Variants in TAF3 observed in about 807,000 individuals in gnomAD.
TAF3 encodes transcription initiation factor TFIID subunit 3.
A neutral mutation model predicts 80.6 loss-of-function variants in TAF3; 7 were observed. That is an observed-to-expected ratio of 0.09 (90% CI 0.05 to 0.16). The LOEUF (loss-of-function observed/expected upper bound fraction) is 0.16, where lower values mean the gene tolerates loss of function less well. TAF3 is among the 10% of genes least tolerant of loss of function. The probability of loss-of-function intolerance (pLI) is 1.00; values close to 1 mark genes in which losing one functional copy is unlikely to be tolerated. For synonymous variants in TAF3, 444 were observed against 446.1 expected (o/e 1.00, Z 0.06); for missense variants, 921 against 1,140.2 (o/e 0.81, Z 2.77).
chr10:7,890,001 A>C (rs2131162220), intron 2 of TAF3, among the ~76,000 whole-genome samples: 1 of 152,304 alleles, frequency 6.6e-6, no homozygotes, highest in South Asian at 2.1e-4. Flanking sequence ...CTGAAACAGA[A>C]ATCTATTTGG....
chr10:7,844,367 T>C (rs2131118570), intron 2 of TAF3, among the ~76,000 whole-genome samples: 1 of 149,318 alleles, frequency 6.7e-6, no homozygotes, highest in Non-Finnish European at 1.5e-5. Flanking sequence ...GCTTTTCTTC[T>C]TCTTCTTGTT....
chr10:7,908,028 G>A (rs182524932), intron 2 of TAF3, among the ~76,000 whole-genome samples: 14 of 152,320 alleles, frequency 9.2e-5, no homozygotes, highest in African/African-American at 2.2e-4. Flanking sequence ...GCTCAGCAGC[G>A]TATGGAATTC....
chr10:7,952,649 T>C (rs1288526964), intron 2 of TAF3, among the ~76,000 whole-genome samples: 1 of 152,220 alleles, frequency 6.6e-6, no homozygotes, highest in Admixed American at 6.5e-5. Flanking sequence ...GTGCAGAATG[T>C]TAGTGAAATA....
intron 2 of TAF3, among the ~76,000 whole-genome samples, chr10:7,833,342 T>C (rs1383263287): frequency 6.6e-6 from 1 of 152,220 alleles, no homozygotes; most frequent in Non-Finnish European, 1.5e-5. Context: ...TTCCCCCTTT[T>C]CTCCACATCC....
At chr10:7,900,467 G>A (rs1007791847) in intron 2 of TAF3, among the ~76,000 whole-genome samples, 2 of 152,162 alleles carry the variant, frequency 1.3e-5, no homozygotes, top group Non-Finnish European at 1.5e-5. Context: ...TCGGTGGATG[G>A]CTGGAGAGAG....
intron 2 of TAF3, among the ~76,000 whole-genome samples, chr10:7,932,454 T>A (rs1837876889): frequency 6.6e-6 from 1 of 152,064 alleles, no homozygotes. Flanking sequence ...AGAGACAGAC[T>A]GAGAGAAAGA....
chr10:7,870,678 A>C (rs1461495981), intron 2 of TAF3, among the ~76,000 whole-genome samples: 9 of 152,124 alleles, frequency 5.9e-5, no homozygotes, highest in Admixed American at 3.3e-4. Context: ...AGAACTCGAC[A>C]CGCTTCTGAG....
chr10:7,988,130 T>C (rs1328157803), intron 4 of TAF3, among the ~76,000 whole-genome samples: 2 of 152,160 alleles, frequency 1.3e-5, no homozygotes, highest in Non-Finnish European at 2.9e-5. Context: ...AAACAGTTTT[T>C]AAGGCCAATA....
chr10:7,883,865 G>A (rs1837383653), intron 2 of TAF3, among the ~76,000 whole-genome samples: 1 of 152,322 alleles, frequency 6.6e-6, no homozygotes, highest in Admixed American at 6.5e-5. Context: ...GGAAGTACAA[G>A]GTAGAGGGGC....
At chr10:7,886,144 G>A (rs1429068098) in intron 2 of TAF3, among the ~76,000 whole-genome samples, 1 of 152,070 alleles carries the variant, frequency 6.6e-6, no homozygotes. Flanking sequence ...GCCTGGGCTG[G>A]TCTCAAACTC....
chr10:7,972,812 G>T (rs1163368879), intron 3 of TAF3, among the ~76,000 whole-genome samples: 1 of 152,084 alleles, frequency 6.6e-6, no homozygotes, highest in Non-Finnish European at 1.5e-5. Context: ...GTGAAGGTGG[G>T]GCCAAGGTTA....
At chr10:7,829,029 C>CAAAAA (rs59969868) in intron 2 of TAF3, among the ~76,000 whole-genome samples, 1 of 66,808 alleles carries the variant, frequency 1.5e-5, no homozygotes, top group African/African-American at 6.5e-5. Flanking sequence ...GACTCCGTCT[C>CAAAAA]AAAAAAAAAA....
At chr10:7,915,642 CAAAAAAAAAAA>C (rs546868294) in intron 2 of TAF3, among the ~76,000 whole-genome samples, 3 of 78,026 alleles carry the variant, frequency 3.8e-5, no homozygotes, top group African/African-American at 5.2e-5. Flanking sequence ...AACTCCGTCT[CAAAAAAAAAAA>C]AAAAAAAAGA....
chr10:7,975,085 A>AT, intron 3 of TAF3: 1 of 304,906 alleles, frequency 3.3e-6, no homozygotes, highest in Non-Finnish European at 6.5e-6. Flanking sequence ...AAAAAAAAAA[A>AT]AAAAAAAGAG....
intron 2 of TAF3, among the ~76,000 whole-genome samples, chr10:7,829,029 C>CAAAAAA (rs59969868): frequency 4.5e-5 from 3 of 66,808 alleles, no homozygotes; most frequent in East Asian, 5.4e-4. Flanking sequence ...GACTCCGTCT[C>CAAAAAA]AAAAAAAAAA....
intron 2 of TAF3, among the ~76,000 whole-genome samples, chr10:7,850,822 G>A (rs1191311804): frequency 3.3e-5 from 5 of 151,926 alleles, no homozygotes; most frequent in Non-Finnish European, 7.4e-5. Context: ...TTTCCAGTTC[G>A]CCCAAACATC....
rs1837935238 is a variant in TAF3 at position 7,937,771 on chromosome 10, C to A, written c.410-26149C>A. On this transcript the variant is annotated intron_variant, in intron 2 of 6. Transcript: ENST00000344293. ...CAAGAGCACTTACTATGAGTCAGGC[C>A]CTGTGCTCAGCACTCTTACATGCTT... Among the ~76,000 whole-genome samples, 3 of 152,246 alleles carry A rather than the reference C, an allele frequency of 2.0e-5. No individual in the cohort carries two copies. The South Asian group carries it at 6.2e-4, about 32-fold the overall frequency.
chr10:7,883,204 A>C (rs1316394759), intron 2 of TAF3, among the ~76,000 whole-genome samples: 5 of 152,214 alleles, frequency 3.3e-5, no homozygotes, highest in Non-Finnish European at 7.3e-5. Flanking sequence ...GCATTCAGTC[A>C]GCCTTTCTCT....
chr10:7,853,326 G>T (rs1160556700), intron 2 of TAF3, among the ~76,000 whole-genome samples: 1 of 152,162 alleles, frequency 6.6e-6, no homozygotes, highest in African/African-American at 2.4e-5. Flanking sequence ...CTCCACATGT[G>T]GGGGCATTAC....
Sources: gnomAD v4.1 joint callset for allele counts (sites outside exome capture counted in the v4.1 genomes callset) on GRCh38, gnomAD v4.1.1 for gene constraint, MANE v1.5 for transcripts, NCBI Gene and HGNC (gene_info 2026-07-23, HGNC 2026-07-21) for gene names.